PPP1R42: variants seen among roughly 807,000 people sequenced by gnomAD.
PPP1R42 encodes the protein leucine rich repeat containing 67.
PPP1R42 carries 34 observed loss-of-function variants against 31.0 expected under a neutral mutation model. The ratio of observed to expected loss-of-function variants is 1.10; its 90% CI spans 0.83 to 1.46. PPP1R42 has a LOEUF of 1.46. Ranked by LOEUF, PPP1R42 falls within the 40% of genes most tolerant of loss-of-function variation. The pLI is 0.00. For synonymous variants in PPP1R42, 103 were observed against 109.8 expected (o/e 0.94, Z 0.39); for missense variants, 268 against 303.0 (o/e 0.88, Z 0.86).
At chr8:66,984,141 T>C in intron 6 of PPP1R42, 9 of 1,591,062 alleles carry the variant, frequency 5.7e-6, no homozygotes, top group Admixed American at 1.7e-5. Flanking sequence ...TCTCAATCAG[T>C]GGACTCTACA....
At chr8:66,984,164 G>A (rs1814931281) in intron 6 of PPP1R42, 4 of 1,593,112 alleles carry the variant, frequency 2.5e-6, no homozygotes, top group Admixed American at 3.4e-5. Context: ...GATTCACTCA[G>A]CGCAAGGTCC....
chr8:66,995,516 T>G (rs748552014), intron 5 of PPP1R42, among the ~76,000 whole-genome samples: 2 of 152,236 alleles, frequency 1.3e-5, no homozygotes, highest in African/African-American at 4.8e-5. Context: ...GAATATTTTT[T>G]TGTGCCCTTC....
chr8:67,016,050 C>G (rs1393377616), intron 2 of PPP1R42, among the ~76,000 whole-genome samples: 1 of 152,032 alleles, frequency 6.6e-6, no homozygotes, highest in Non-Finnish European at 1.5e-5. Flanking sequence ...AGAAAGTAGT[C>G]TTACATGATA....
intron 1 of PPP1R42, among the ~76,000 whole-genome samples, chr8:67,019,890 CA>C (rs796890271): frequency 5.1e-4 from 73 of 143,492 alleles, no homozygotes; most frequent in African/African-American, 1.6e-3. Flanking sequence ...TCCACCTCAA[CA>C]AAAAAAAAAC....
At chr8:67,025,090 A>G (rs2129537270) in intron 1 of PPP1R42, among the ~76,000 whole-genome samples, 2 of 151,926 alleles carry the variant, frequency 1.3e-5, no homozygotes, top group South Asian at 4.2e-4. Context: ...GGTGTACACC[A>G]CCATGCCCAG....
intron 4 of PPP1R42, 55 bp downstream of exon 4, chr8:67,012,903 A>C: frequency 6.7e-7 from 1 of 1,498,228 alleles, no homozygotes; most frequent in Non-Finnish European, 9.0e-7. Context: ...TTCCTGTTTC[A>C]TTATAACTTG....
At chr8:66,975,030 A>G (rs1814631627) in intron 7 of PPP1R42, among the ~76,000 whole-genome samples, 1 of 152,310 alleles carries the variant, frequency 6.6e-6, no homozygotes, top group South Asian at 2.1e-4. Flanking sequence ...AAAAAATGCA[A>G]TTGGGATTTT....
intron 4 of PPP1R42, among the ~76,000 whole-genome samples, chr8:67,012,081 C>G (rs1363805740): frequency 6.6e-6 from 1 of 151,894 alleles, no homozygotes; most frequent in Non-Finnish European, 1.5e-5. Flanking sequence ...ACTAAAAATA[C>G]AAAAATTAGC....
At chr8:67,020,875 C>T (rs1370084034) in intron 1 of PPP1R42, among the ~76,000 whole-genome samples, 1 of 152,164 alleles carries the variant, frequency 6.6e-6, no homozygotes, top group African/African-American at 2.4e-5. Flanking sequence ...TGCTTGAGCC[C>T]ACGAGTTCCA....
chr8:67,007,736 A>G (rs1815728264), intron 5 of PPP1R42, among the ~76,000 whole-genome samples: 1 of 152,158 alleles, frequency 6.6e-6, no homozygotes. Context: ...TCCTTTGTCC[A>G]GCATTTCCAT....
At chr8:67,002,156 T>A (rs1479551428) in intron 5 of PPP1R42, among the ~76,000 whole-genome samples, 1 of 152,246 alleles carries the variant, frequency 6.6e-6, no homozygotes, top group Non-Finnish European at 1.5e-5. Context: ...TCTATGTACA[T>A]AAAATATCTT....
intron 6 of PPP1R42, chr8:66,988,158 T>G (rs1006683760): frequency 1.3e-5 from 15 of 1,113,758 alleles, no homozygotes; most frequent in African/African-American, 1.6e-5. Context: ...TTATTGGTAA[T>G]AGCAAAATAT....
Position 66,988,509 on chromosome 8 carries a change from C to T in PPP1R42, c.561G>A (p.Glu187=), listed in dbSNP as rs1003675503. ...DNQLLHVKDL[E]FLLNKLMKLW... ...GCTTCATCAACTTGTTCAGTAAAAA[C>T]TCCAAATCCTATAATTAGAGAAGAA... The change falls in exon 6 of 8, where the codon GAG becomes GAA. Residue 187 remains glutamate, a synonymous_variant. Coordinates refer to ENST00000685739, the MANE Select transcript of PPP1R42 (RefSeq NM_001364910.1). 6.9e-6 allele frequency: 11 copies of T among 1,600,846 alleles called. No homozygotes were observed. The highest frequency in any genetic ancestry group is 9.4e-6 in the Non-Finnish European group (11 of 1,176,180).
At chr8:66,985,275 A>G in intron 6 of PPP1R42, 1 of 961,724 alleles carries the variant, frequency 1.0e-6, no homozygotes, top group Middle Eastern at 2.2e-4. Flanking sequence ...GGGAAGCGAC[A>G]GTGGAGACTC....
At chr8:66,994,434 G>A (rs563432339) in intron 5 of PPP1R42, among the ~76,000 whole-genome samples, 6 of 152,252 alleles carry the variant, frequency 3.9e-5, no homozygotes, top group Middle Eastern at 6.8e-3. Flanking sequence ...TGCTACATGT[G>A]TTCCTTTAAA....
At chr8:66,982,217 A>G in intron 6 of PPP1R42, 37 bp from the exon 7 acceptor site, 1 of 1,083,378 alleles carries the variant, frequency 9.2e-7, no homozygotes, top group Non-Finnish European at 1.2e-6. Flanking sequence ...AATACAATAT[A>G]TACATATAAA....
intron 6 of PPP1R42, chr8:66,985,567 G>C: frequency 7.5e-7 from 1 of 1,338,734 alleles, no homozygotes; most frequent in Non-Finnish European, 1.1e-6. Flanking sequence ...GATGAGTCCT[G>C]GCTTCAGTGC....
chr8:67,009,479 A>T (rs1231912557), intron 5 of PPP1R42, among the ~76,000 whole-genome samples: 1 of 152,098 alleles, frequency 6.6e-6, no homozygotes, highest in Non-Finnish European at 1.5e-5. Flanking sequence ...GAGGCAGGAG[A>T]ATCACTTGAA....
At chr8:66,965,486 G>C (rs928323012) in intron 7 of PPP1R42, among the ~76,000 whole-genome samples, 3 of 150,632 alleles carry the variant, frequency 2.0e-5, no homozygotes, top group Non-Finnish European at 4.4e-5. Context: ...GCCCAGGCTG[G>C]AGTGCAGTGG....
Sources: gnomAD v4.1 joint callset for allele counts (sites outside exome capture counted in the v4.1 genomes callset) on GRCh38, gnomAD v4.1.1 for gene constraint, MANE v1.5 for transcripts, NCBI Gene and HGNC (gene_info 2026-07-23, HGNC 2026-07-21) for gene names.